Variants in RELN observed in about 807,000 individuals in gnomAD.
The protein encoded by RELN is reelin.
A neutral mutation model predicts 427.6 loss-of-function variants in RELN; 108 were observed. That is an observed-to-expected ratio of 0.25 (90% CI 0.22 to 0.30). The LOEUF is 0.30. RELN is among the 10% of genes least tolerant of loss of function. The pLI, the probability that RELN is intolerant of heterozygous loss-of-function variation, is 1.00. For missense variants in RELN, 3,715 were observed against 4,302.8 expected, an observed-to-expected ratio of 0.86 and a Z score of 3.82; for synonymous variants, 1,524 against 1,513.4, an observed-to-expected ratio of 1.01 and a Z score of -0.16.
chr7:103,676,743 C>A (rs1399213872), intron 11 of RELN, among the ~76,000 whole-genome samples: 1 of 151,758 alleles, frequency 6.6e-6, no homozygotes, highest in African/African-American at 2.4e-5. Context: ...TTTGTAGGGA[C>A]ACGGATGAAA....
chr7:103,676,902 G>C (rs569050622), intron 11 of RELN, among the ~76,000 whole-genome samples: 2 of 152,154 alleles, frequency 1.3e-5, no homozygotes, highest in South Asian at 4.2e-4. Context: ...GGTGGGAGCA[G>C]GGGGGAGGGA....
At chr7:103,606,780 T>C (rs1339144488) in intron 22 of RELN, among the ~76,000 whole-genome samples, 1 of 152,138 alleles carries the variant, frequency 6.6e-6, no homozygotes, top group Non-Finnish European at 1.5e-5. Flanking sequence ...ATGCATCTTA[T>C]GAACTTTTAA....
intron 3 of RELN, among the ~76,000 whole-genome samples, chr7:103,801,804 A>G (rs562374861): frequency 1.1e-4 from 16 of 152,316 alleles, no homozygotes; most frequent in South Asian, 6.2e-4. Flanking sequence ...GAAGGTTTAA[A>G]GAATTTATCC....
At chr7:103,975,521 A>G (rs1034629849) in intron 1 of RELN, among the ~76,000 whole-genome samples, 5 of 130,866 alleles carry the variant, frequency 3.8e-5, no homozygotes, top group Non-Finnish European at 8.4e-5. Context: ...AGCAGTATTT[A>G]TTTATTTATT....
intron 20 of RELN, among the ~76,000 whole-genome samples, chr7:103,623,313 G>A (rs1314290388): frequency 6.6e-6 from 1 of 152,178 alleles, no homozygotes; most frequent in African/African-American, 2.4e-5. Flanking sequence ...CTTTTTAAGA[G>A]TCTTTGTAAG....
chr7:103,976,714 G>C (rs1796886674), intron 1 of RELN, among the ~76,000 whole-genome samples: 1 of 152,152 alleles, frequency 6.6e-6, no homozygotes, highest in South Asian at 2.1e-4. Flanking sequence ...CAGTCAGGGA[G>C]TCATTAGGCA....
At chr7:103,504,175 G>A (rs1032102538) in intron 51 of RELN, among the ~76,000 whole-genome samples, 11 of 152,138 alleles carry the variant, frequency 7.2e-5, no homozygotes, top group African/African-American at 2.7e-4. Flanking sequence ...CTGCACTCTA[G>A]CCTGGGCAAC....
chr7:103,773,623 C>T (rs1024527069), intron 4 of RELN, among the ~76,000 whole-genome samples: 4 of 151,958 alleles, frequency 2.6e-5, no homozygotes, highest in Non-Finnish European at 5.9e-5. Context: ...GCCCGCACCA[C>T]CACGCCCAGC....
intron 6 of RELN, among the ~76,000 whole-genome samples, chr7:103,742,763 T>G (rs945658484): frequency 2.6e-5 from 4 of 152,112 alleles, no homozygotes; most frequent in Non-Finnish European, 5.9e-5. Context: ...TGGGACTATG[T>G]GAAAAGACCA....
At chr7:103,521,004 C>G (rs1441096040) in intron 48 of RELN, among the ~76,000 whole-genome samples, 2 of 111,020 alleles carry the variant, frequency 1.8e-5, no homozygotes, top group African/African-American at 3.4e-5. Context: ...GAGTCTCGCT[C>G]TGTCGCCCAG....
chr7:103,485,688 A>G (rs181630529), intron 61 of RELN, among the ~76,000 whole-genome samples: 1 of 152,218 alleles, frequency 6.6e-6, no homozygotes, highest in Non-Finnish European at 1.5e-5. Context: ...CTCTGCATTA[A>G]CCCTCAGCAA....
At chr7:103,641,277 C>T (rs1832688784) in intron 16 of RELN, among the ~76,000 whole-genome samples, 1 of 152,130 alleles carries the variant, frequency 6.6e-6, no homozygotes, top group South Asian at 2.1e-4. Flanking sequence ...CTCATGTGTT[C>T]CATTTTTTAG....
intron 1 of RELN, among the ~76,000 whole-genome samples, chr7:103,934,018 C>T (rs888686267): frequency 6.6e-6 from 1 of 152,160 alleles, no homozygotes; most frequent in African/African-American, 2.4e-5. Flanking sequence ...CAAAAATCTT[C>T]GGTTCTTGTT....
At chr7:103,971,281 A>C (rs1483573506) in intron 1 of RELN, among the ~76,000 whole-genome samples, 1 of 152,168 alleles carries the variant, frequency 6.6e-6, no homozygotes, top group Non-Finnish European at 1.5e-5. Flanking sequence ...GAAACAACTG[A>C]TAGATTTGAC....
chr7:103,833,687 G>A lies in RELN; in HGVS notation c.338-15C>T, dbSNP rs1793329662. ...AGACATGATCCCTAAGAGAAAGGAA[G>A]GAGAGTTGTTACAAAGACAACAAAA... On this transcript the variant is annotated splice_polypyrimidine_tract_variant and intron_variant, in intron 2 of 64. Coordinates refer to ENST00000428762, the MANE Select transcript of RELN (RefSeq NM_005045.4). 1 of 1,611,172 alleles carries A rather than the reference G, an allele frequency of 6.2e-7. No individual in the cohort carries two copies. The highest frequency in any genetic ancestry group is 1.3e-5 in the African/African-American group (1 of 75,000).
At chr7:103,726,389 T>C (rs10253903) in intron 7 of RELN, among the ~76,000 whole-genome samples, 42,341 of 152,072 alleles carry the variant, frequency 0.28, 6,043 homozygotes, top group South Asian at 0.39. Context: ...AATGGAAATA[T>C]AAAAACTACA....
intron 10 of RELN, among the ~76,000 whole-genome samples, chr7:103,690,192 A>T (rs986520008): frequency 2.0e-5 from 3 of 152,130 alleles, no homozygotes; most frequent in African/African-American, 7.2e-5. Flanking sequence ...TGCAGTGTTC[A>T]TGCCACTGCA....
chr7:103,691,532 G>A (rs1833869899), intron 10 of RELN, among the ~76,000 whole-genome samples: 1 of 152,072 alleles, frequency 6.6e-6, no homozygotes, highest in African/African-American at 2.4e-5. Context: ...TCATTCGTAG[G>A]CCAGGAGCAG....
rs773953557 is a variant in RELN at position 103,522,054 on chromosome 7, C to T, written c.7636G>A (p.Val2546Met). The change falls in exon 48 of 65, where the codon GTG becomes ATG. Residue 2546 changes from valine to methionine, a missense_variant. Transcript: ENST00000428762. ...AAATGGAGAGCCATTCCCGACGCCA[C>T]GGCTCCACACACTGTACTCAATTTC... ...GGKLSTVCGA[V>M]ASGMALHFSG... is the part of the protein sequence containing the mutation. The T allele has an allele frequency of 1.2e-5, 19 of 1,613,976 alleles. No homozygotes were observed. The highest frequency in any genetic ancestry group is 1.7e-5 in the Admixed American group (1 of 59,994).
Sources: gnomAD v4.1 joint callset for allele counts (sites outside exome capture counted in the v4.1 genomes callset) on GRCh38, gnomAD v4.1.1 for gene constraint, MANE v1.5 for transcripts, NCBI Gene and HGNC (gene_info 2026-07-23, HGNC 2026-07-21) for gene names.